Variants in DNAH9 observed in about 807,000 individuals in gnomAD.
DNAH9 encodes the protein dynein axonemal heavy chain 9.
DNAH9 carries 345 observed loss-of-function variants against 471.6 expected under a neutral mutation model. The observed-to-expected ratio is 0.73, with a 90% CI of 0.67 to 0.80. The LOEUF (loss-of-function observed/expected upper bound fraction) is 0.80. DNAH9 is among the 30% of genes least tolerant of loss of function. DNAH9 has a pLI of 0.00. For synonymous variants in DNAH9, 2,093 were observed against 2,123.6 expected (o/e 0.99, Z 0.40); for missense variants, 5,407 against 5,609.2 (o/e 0.96, Z 1.15).
Position 11,780,883 on chromosome 17 carries a change from C to T in DNAH9, c.7553-126C>T, listed in dbSNP as rs148287227. On this transcript the variant is annotated intron_variant, in intron 38 of 68. Coordinates refer to ENST00000262442, the MANE Select transcript of DNAH9 (RefSeq NM_001372.4). ...CAGCAGTAGCTGTTATTATTGTTGTCTTTCGCGTTGCTGTTTTTTGCACAC... is the reference window on the plus strand; with the variant it reads ...CAGCAGTAGCTGTTATTATTGTTGTTTTTCGCGTTGCTGTTTTTTGCACAC... 75 of 966,660 alleles carry T rather than the reference C, an allele frequency of 7.8e-5. No individual in the cohort carries two copies. The African/African-American group carries it at 1.1e-3, about 14-fold the overall frequency. 59.9% of individuals were successfully genotyped at this position (966,660 alleles called of 1,614,324 possible). A position where few individuals can be genotyped will look rare whatever the true frequency, so the allele number is the denominator to read the frequency against.
rs141371623 is a variant in DNAH9 at position 11,884,505 on chromosome 17, A to G, written c.10971+755A>G. ...ATCTGTAACAGTGTCCAGGAACAAT[A>G]TACCTTTGACGGAAGATGCTTATTG... On this transcript the variant is annotated intron_variant, in intron 56 of 68. Coordinates refer to ENST00000262442, the MANE Select transcript of DNAH9 (RefSeq NM_001372.4). The G allele has an allele frequency of 1.5e-5, 7 of 454,368 alleles. No individual in the cohort carries two copies. The East Asian group carries it at 3.5e-4, about 23-fold the overall frequency. 28.1% of individuals were successfully genotyped at this position (454,368 alleles called of 1,614,324 possible). A position where few individuals can be genotyped will look rare whatever the true frequency, so the allele number is the denominator to read the frequency against.
Position 11,869,217 on chromosome 17 carries a change from A to G in DNAH9, c.10017A>G (p.Glu3339=). The change falls in exon 51 of 69, where the codon GAA becomes GAG. Residue 3339 remains glutamate (E), a synonymous_variant. Coordinates refer to ENST00000262442, the MANE Select transcript of DNAH9 (RefSeq NM_001372.4). ...AACTCAAATGTCAGCAAGAAGCCGA[A>G]GTGACCGCAGTCACCATCTCCCTTG... ...ADKLKCQQEA[E]VTAVTISLAN... 2 of 1,613,864 alleles carry G rather than the reference A, an allele frequency of 1.2e-6. No homozygotes were observed.
intron 26 of DNAH9, among the ~76,000 whole-genome samples, chr17:11,709,159 A>C (rs115012145): frequency 6.6e-6 from 1 of 152,210 alleles, no homozygotes; most frequent in Non-Finnish European, 1.5e-5. Context: ...ATAGAGGGAA[A>C]GGGTAAAGTT....
chr17:11,872,897 G>A (rs1034872253), intron 52 of DNAH9, among the ~76,000 whole-genome samples: 1 of 152,244 alleles, frequency 6.6e-6, no homozygotes, highest in African/African-American at 2.4e-5. Flanking sequence ...TCCAGCCTGG[G>A]CGACAGAGCG....
chr17:11,903,726 A>G (rs746946587), intron 60 of DNAH9, among the ~76,000 whole-genome samples: 3 of 152,168 alleles, frequency 2.0e-5, no homozygotes, highest in Non-Finnish European at 4.4e-5. Context: ...CCTGGCCAAC[A>G]TGGTGAAACC....
chr17:11,656,094 TG>T (rs2073641597), intron 14 of DNAH9, among the ~76,000 whole-genome samples: 1 of 152,226 alleles, frequency 6.6e-6, no homozygotes, highest in South Asian at 2.1e-4. Flanking sequence ...GTGGGATTGC[TG>T]GGTCAAATGG....
chr17:11,638,934 A>G (rs940140931), intron 9 of DNAH9, among the ~76,000 whole-genome samples: 1 of 152,194 alleles, frequency 6.6e-6, no homozygotes, highest in East Asian at 1.9e-4. Context: ...AGCCATCTGC[A>G]TTCATTACCA....
chr17:11,743,466 T>C (rs1184959072), intron 30 of DNAH9, among the ~76,000 whole-genome samples: 1 of 152,200 alleles, frequency 6.6e-6, no homozygotes, highest in East Asian at 1.9e-4. Context: ...GAGTGATTAT[T>C]TAAAAACGCT....
chr17:11,918,661 G>A (rs1597825363), intron 61 of DNAH9, among the ~76,000 whole-genome samples: 1 of 152,170 alleles, frequency 6.6e-6, no homozygotes, highest in African/African-American at 2.4e-5. Context: ...GTGCTGGGGA[G>A]CAGAAGAGTG....
chr17:11,899,385 A>G (rs965819471), intron 59 of DNAH9, among the ~76,000 whole-genome samples: 2 of 152,188 alleles, frequency 1.3e-5, no homozygotes, highest in Non-Finnish European at 2.9e-5. Context: ...AGAAAATCTC[A>G]TCTGCGATGA....
chr17:11,963,533 T>TA (rs1213344893), intron 68 of DNAH9, among the ~76,000 whole-genome samples: 2 of 150,564 alleles, frequency 1.3e-5, no homozygotes, highest in Non-Finnish European at 3.0e-5. Context: ...TGGGGGTTAA[T>TA]AAAAACTAAC....
intron 56 of DNAH9, among the ~76,000 whole-genome samples, chr17:11,886,506 C>CT (rs55645155): frequency 0.02 from 2,604 of 127,230 alleles, 48 homozygotes; most frequent in South Asian, 0.05. Context: ...TTGAGTCATA[C>CT]TTTTTTTTTT....
intron 17 of DNAH9, among the ~76,000 whole-genome samples, chr17:11,674,418 G>C (rs1350669104): frequency 6.6e-6 from 1 of 151,992 alleles, no homozygotes; most frequent in Non-Finnish European, 1.5e-5. Flanking sequence ...ATCTCACTGT[G>C]GTAAATATTT....
intron 28 of DNAH9, among the ~76,000 whole-genome samples, chr17:11,738,172 T>C (rs1263869942): frequency 1.3e-5 from 2 of 152,182 alleles, no homozygotes; most frequent in Non-Finnish European, 2.9e-5. Flanking sequence ...GATGATGTAA[T>C]TGAAGTGCCC....
At position 11,854,131 on chromosome 17, in the gene DNAH9, G is replaced by A. The variant is rs2150970416; in HGVS notation, c.9636G>A (p.Lys3212=). ...AGGACCGGAGCTGGAAGGCTGCTAAGGTCACCATGGCCAAAGTGGATGGCT... is the reference window on the plus strand; with the variant it reads ...AGGACCGGAGCTGGAAGGCTGCTAAAGTCACCATGGCCAAAGTGGATGGCT... ...VPKDRSWKAA[K]VTMAKVDGFL... is the part of the protein sequence containing the mutation. Residue 3212 remains lysine, a synonymous_variant, in exon 50 of 69, where the codon AAG becomes AAA. Transcript: ENST00000262442. 6.2e-7 allele frequency: 1 copy of A among 1,614,136 alleles called. No homozygotes were observed. The highest frequency in any genetic ancestry group is 8.5e-7 in the Non-Finnish European group (1 of 1,180,026).
intron 53 of DNAH9, among the ~76,000 whole-genome samples, chr17:11,876,266 T>C (rs1045525687): frequency 6.6e-6 from 1 of 152,054 alleles, no homozygotes; most frequent in Admixed American, 6.5e-5. Flanking sequence ...AAACAGTTCT[T>C]AAAAGAGCAT....
At chr17:11,768,681 AG>A in intron 37 of DNAH9, 55 bp downstream of exon 37, 1 of 1,581,924 alleles carries the variant, frequency 6.3e-7, no homozygotes, top group Admixed American at 1.7e-5. Flanking sequence ...AAGGATCTGC[AG>A]TGGCTCCAGT....
rs915976029 is a variant in DNAH9, at chr17:11,969,505, T to C, written c.13439T>C (p.Val4480Ala). The change falls in exon 69 of 69, where the codon GTA becomes GCA. Residue 4480 changes from valine (V) to alanine (A), a missense_variant. By Grantham distance (64) the Val-to-Ala change is moderately conservative. Coordinates refer to ENST00000262442, the MANE Select transcript of DNAH9 (RefSeq NM_001372.4). ...ENPSKWVLAG[V>A]ALLLQI is the part of the protein sequence containing the mutation. ...CCATCCAAGTGGGTTCTGGCTGGAG[T>C]AGCCTTGCTTCTCCAGATTTAGCAT... The C allele has an allele frequency of 2.5e-6, 4 of 1,611,724 alleles. No homozygotes were observed. The African/African-American group carries it at 5.4e-5, about 22-fold the overall frequency.
In DNAH9 at chr17:11,640,393, T is replaced by A. The variant is rs751669089; in HGVS notation, c.1901+9T>A. 2.2e-5 allele frequency: 35 copies of A among 1,569,704 alleles called. No individual in the cohort carries two copies. Among genetic ancestry groups the A allele is most frequent in the Non-Finnish European group, 2.9e-5 (33 of 1,139,830 alleles). ...GGACGCATCACACACCCGTGAGTAT[T>A]GTGTTCCTGAAAGACAGGCTTGTCT... is the stretch of plus-strand genomic sequence containing the variant. On this transcript the variant is annotated intron_variant, in intron 10 of 68. Coordinates refer to ENST00000262442, the MANE Select transcript of DNAH9 (RefSeq NM_001372.4).
Sources: gnomAD v4.1 joint callset for allele counts (sites outside exome capture counted in the v4.1 genomes callset) on GRCh38, gnomAD v4.1.1 for gene constraint, MANE v1.5 for transcripts, NCBI Gene and HGNC (gene_info 2026-07-23, HGNC 2026-07-21) for gene names.